MYO9B: variants seen among roughly 807,000 people sequenced by gnomAD.
MYO9B encodes the protein myosin IXB.
MYO9B carries 71 observed loss-of-function variants against 229.5 expected under a neutral mutation model. That is an observed-to-expected ratio of 0.31 (90% CI 0.26 to 0.38). The LOEUF is 0.38. Among genes scored for constraint, MYO9B ranks in the 10% least tolerant of loss-of-function variants. MYO9B has a pLI of 1.00. For missense variants in MYO9B, 2,255 were observed against 2,920.5 expected (o/e 0.77, Z 5.25); for synonymous variants, 1,185 against 1,235.8 (o/e 0.96, Z 0.86).
intron 2 of MYO9B, among the ~76,000 whole-genome samples, chr19:17,114,210 G>A (rs1450058132): frequency 1.3e-5 from 2 of 152,212 alleles, no homozygotes; most frequent in Non-Finnish European, 2.9e-5. Context: ...GATGGTCTCT[G>A]CCTAAATATT....
intron 29 of MYO9B, 107 bp downstream of exon 29, chr19:17,202,990 T>C: frequency 1.4e-6 from 2 of 1,404,740 alleles, no homozygotes; most frequent in South Asian, 1.3e-5. Context: ...CACGCGTATG[T>C]GTGCGTGGAC....
At chr19:17,159,578 C>A in intron 8 of MYO9B, 94 bp downstream of exon 8, 1 of 1,107,858 alleles carries the variant, frequency 9.0e-7, no homozygotes, top group Non-Finnish European at 1.3e-6. Context: ...GCTGTTCTGT[C>A]CCTGAATGCT....
chr19:17,101,518 C>T lies in MYO9B; in HGVS notation c.-58-142C>T. On this transcript the variant is annotated intron_variant, in intron 1 of 39. Transcript: ENST00000682292. The surrounding 1 kb of genome is among the most constrained non-coding windows in gnomAD (Gnocchi z 4.7). ...CCTCACGGGATGTCGTGACTGGTTG[C>T]CTCTGGCTTTTTGGGCGAGCCTAGT... 2 of 753,550 alleles carry T rather than the reference C, an allele frequency of 2.7e-6. No individual in the cohort carries two copies. Among genetic ancestry groups the T allele is most frequent in the South Asian group, 2.0e-5 (1 of 50,422 alleles). 46.7% of individuals were successfully genotyped at this position (753,550 alleles called of 1,614,324 possible).
At chr19:17,147,559 A>AAC (rs1162240457) in intron 3 of MYO9B, among the ~76,000 whole-genome samples, 1 of 150,798 alleles carries the variant, frequency 6.6e-6, no homozygotes, top group Admixed American at 6.6e-5. Context: ...AAAAAAAAAA[A>AAC]AACCCAACAA....
chr19:17,175,457 T>TA (rs1260369855), intron 13 of MYO9B, among the ~76,000 whole-genome samples: 1 of 151,912 alleles, frequency 6.6e-6, no homozygotes, highest in Non-Finnish European at 1.5e-5. Flanking sequence ...CAGTGGCCTG[T>TA]AGTCCTAGCT....
intron 2 of MYO9B, among the ~76,000 whole-genome samples, chr19:17,123,886 A>T (rs1449844159): frequency 6.6e-6 from 1 of 151,662 alleles, no homozygotes; most frequent in East Asian, 2.0e-4. Context: ...CATTCTCAAA[A>T]AATCATTTTT....
At chr19:17,159,770 C>A (rs1356817237) in intron 8 of MYO9B, among the ~76,000 whole-genome samples, 2 of 152,254 alleles carry the variant, frequency 1.3e-5, no homozygotes, top group South Asian at 2.1e-4. Flanking sequence ...ATCCAGCCCT[C>A]CACCTGGTTT....
At chr19:17,109,059 T>C (rs1447438758) in intron 2 of MYO9B, among the ~76,000 whole-genome samples, 2 of 146,704 alleles carry the variant, frequency 1.4e-5, no homozygotes, top group East Asian at 4.0e-4. Flanking sequence ...TTTATTTATT[T>C]ATTTATTTAT....
At position 17,158,776 on chromosome 19, in the gene MYO9B, C is replaced by T. The variant is rs1398923748; in HGVS notation, c.1330-619C>T. Among the ~76,000 whole-genome samples, 4 of 152,178 alleles carry T rather than the reference C, an allele frequency of 2.6e-5. No individual in the cohort carries two copies. The East Asian group carries it at 5.8e-4, about 22-fold the overall frequency. ...GAACCACCAGCTCCAATAGGCAAGG[C>T]GGCCACCTGGACCCGTGGCTCGCAC... On this transcript the variant is annotated intron_variant, in intron 7 of 39. Transcript: ENST00000682292.
At chr19:17,083,062 A>C (rs1159915966) in intron 1 of MYO9B, among the ~76,000 whole-genome samples, 2 of 115,552 alleles carry the variant, frequency 1.7e-5, no homozygotes, top group Admixed American at 1.3e-4. Flanking sequence ...ACAGGGTCTC[A>C]CTCTGTCACC....
chr19:17,091,361 G>T (rs974638234), intron 1 of MYO9B, among the ~76,000 whole-genome samples: 2 of 152,206 alleles, frequency 1.3e-5, no homozygotes, highest in Non-Finnish European at 2.9e-5. Context: ...GAGTAGCTGG[G>T]ATTATAGATG....
intron 1 of MYO9B, among the ~76,000 whole-genome samples, chr19:17,100,548 G>T (rs543546893): frequency 1.3e-5 from 2 of 152,298 alleles, no homozygotes; most frequent in African/African-American, 4.8e-5. Context: ...TGTGCTTCTG[G>T]TGTCACTAGC....
intron 2 of MYO9B, among the ~76,000 whole-genome samples, chr19:17,116,717 G>A (rs1226221199): frequency 2.0e-5 from 3 of 152,098 alleles, no homozygotes; most frequent in African/African-American, 4.8e-5. Flanking sequence ...CAGAGAGGCC[G>A]CTCCAAGCTG....
chr19:17,203,306 A>T, intron 30 of MYO9B, 48 bp downstream of exon 30: 1 of 1,403,730 alleles, frequency 7.1e-7, no homozygotes, highest in Middle Eastern at 2.3e-4. Flanking sequence ...GTCCCCCACC[A>T]CCCCTCACTG....
chr19:17,093,028 G>A (rs1030396264), intron 1 of MYO9B, among the ~76,000 whole-genome samples: 3 of 152,164 alleles, frequency 2.0e-5, no homozygotes, highest in African/African-American at 7.2e-5. Flanking sequence ...ATTCATGCAT[G>A]TGTGATTAAG....
intron 1 of MYO9B, among the ~76,000 whole-genome samples, chr19:17,077,240 C>G (rs1414107441): frequency 1.3e-5 from 2 of 152,186 alleles, no homozygotes; most frequent in African/African-American, 4.8e-5. Flanking sequence ...CTGTAGGGAT[C>G]TTTATCTGGG....
intron 15 of MYO9B, among the ~76,000 whole-genome samples, chr19:17,181,471 G>A (rs962744601): frequency 1.1e-4 from 17 of 152,250 alleles, no homozygotes; most frequent in African/African-American, 3.9e-4. Flanking sequence ...ACATAAGCCA[G>A]TCAGGAGAGC....
chr19:17,151,654 C>T (rs967408905), intron 3 of MYO9B, among the ~76,000 whole-genome samples: 11 of 152,218 alleles, frequency 7.2e-5, no homozygotes, highest in Non-Finnish European at 1.5e-4. Flanking sequence ...GCATGGCTCA[C>T]GCCTGTAATC....
At chr19:17,078,550 A>T (rs539734962) in intron 1 of MYO9B, among the ~76,000 whole-genome samples, 121 of 152,182 alleles carry the variant, frequency 8.0e-4, no homozygotes, top group African/African-American at 2.7e-3. Context: ...AAATAATAAT[A>T]ATTAAAAAAA....
Sources: allele counts gnomAD v4.1 joint callset (sites outside exome capture counted in the v4.1 genomes callset), GRCh38; gene constraint gnomAD v4.1.1; non-coding constraint Gnocchi (gnomAD v3.1); transcripts MANE v1.5; gene names NCBI Gene and HGNC (gene_info 2026-07-23, HGNC 2026-07-21).